ELMOD3: variants seen among roughly 807,000 people sequenced by gnomAD.
The protein encoded by ELMOD3 is ELMO domain containing 3.
Under a neutral mutation model 47.4 loss-of-function variants are expected in ELMOD3, and 36 were observed. The observed-to-expected ratio is 0.76, with a 90% confidence interval of 0.58 to 1.00. The LOEUF (loss-of-function observed/expected upper bound fraction) is 1.00, where lower values mean the gene tolerates loss of function less well. ELMOD3 is among the 50% of genes least tolerant of loss of function. The pLI is 0.00. For synonymous variants in ELMOD3, 149 were observed against 183.5 expected, an observed-to-expected ratio of 0.81 and a Z score of 1.52; for missense variants, 404 against 463.8, an observed-to-expected ratio of 0.87 and a Z score of 1.18.
chr2:85,370,271 G>A (rs979175673), intron 8 of ELMOD3, among the ~76,000 whole-genome samples: 2 of 152,066 alleles, frequency 1.3e-5, no homozygotes, highest in Non-Finnish European at 2.9e-5. Flanking sequence ...AAACGCTAGG[G>A]GTGGGGTGGG....
In ELMOD3 at chr2:85,368,807, C is replaced by T. The variant is rs7340196; in HGVS notation, c.268+53C>T. ...CATAGCCCCTCTGCCAGCAAAGGCA[C>T]CATCCACACATGTGGCAAATGTTTC... On this transcript the variant is annotated intron_variant, in intron 7 of 13. Coordinates refer to ENST00000409013, the MANE Select transcript of ELMOD3 (RefSeq NM_001135022.2). 4.5e-3 allele frequency: 7,165 copies of T among 1,583,094 alleles called. 249 individuals carry two copies. The African/African-American group carries it at 0.082, about 18-fold the overall frequency.
chr2:85,369,889 C>A, intron 8 of ELMOD3, 59 bp downstream of exon 8: 1 of 1,595,140 alleles, frequency 6.3e-7, no homozygotes. Context: ...AGGAGCCAAG[C>A]CTCTATCCCA....
intron 6 of ELMOD3, among the ~76,000 whole-genome samples, chr2:85,365,700 A>T (rs1460265651): frequency 6.6e-6 from 1 of 152,132 alleles, no homozygotes; most frequent in Non-Finnish European, 1.5e-5. Flanking sequence ...GAAACCTTGA[A>T]CTTTTGTTGA....
intron 8 of ELMOD3, among the ~76,000 whole-genome samples, chr2:85,370,228 T>C (rs960911176): frequency 1.3e-5 from 2 of 151,868 alleles, no homozygotes; most frequent in Admixed American, 6.6e-5. Flanking sequence ...AAGAAAGATA[T>C]AAGCTGGAAA....
At chr2:85,368,029 A>G (rs1573103099) in intron 6 of ELMOD3, among the ~76,000 whole-genome samples, 1 of 151,112 alleles carries the variant, frequency 6.6e-6, no homozygotes, top group Admixed American at 6.6e-5. Flanking sequence ...TCCTGCCTCA[A>G]CCTCCAGAGT....
intron 6 of ELMOD3, among the ~76,000 whole-genome samples, chr2:85,363,670 A>G (rs1344523152): frequency 1.1e-4 from 16 of 152,210 alleles, no homozygotes; most frequent in Non-Finnish European, 1.5e-5. Flanking sequence ...ATGGACTTAC[A>G]TTTCCACATA....
At chr2:85,377,952 G>A (rs989761753) in intron 11 of ELMOD3, among the ~76,000 whole-genome samples, 3 of 152,140 alleles carry the variant, frequency 2.0e-5, no homozygotes, top group Non-Finnish European at 4.4e-5. Flanking sequence ...TAGCAACTTA[G>A]AACTTTTTAA....
chr2:85,364,821 ATATATTTTTTT>A (rs1182339565), intron 6 of ELMOD3, among the ~76,000 whole-genome samples: 25 of 89,182 alleles, frequency 2.8e-4, no homozygotes, highest in African/African-American at 1.3e-3. Context: ...ATATATATAT[ATATATTTTTTT>A]TTTTTTTTTT....
intron 11 of ELMOD3, among the ~76,000 whole-genome samples, chr2:85,380,454 A>G (rs1178528578): frequency 6.6e-6 from 1 of 152,198 alleles, no homozygotes; most frequent in Non-Finnish European, 1.5e-5. Flanking sequence ...CTCTATTCTG[A>G]TGTCACAATC....
In ELMOD3 at chr2:85,374,680, C is replaced by T. The variant is rs568241600; in HGVS notation, c.608-2664C>T. ...TTTGTTTAGTAGCCAGGTGTGGTGGCGCATGCTTATAGTCCCAGCTACTGG... is the reference window on the plus strand; with the variant it reads ...TTTGTTTAGTAGCCAGGTGTGGTGGTGCATGCTTATAGTCCCAGCTACTGG... On this transcript the variant is annotated intron_variant, in intron 10 of 13. Coordinates refer to ENST00000409013, the MANE Select transcript of ELMOD3 (RefSeq NM_001135022.2). Among the ~76,000 whole-genome samples the T allele has an allele frequency of 7.7e-4, 117 of 152,034 alleles. 1 individual carries two copies. The highest frequency in any genetic ancestry group is 2.6e-3 in the African/African-American group (109 of 41,494).
In ELMOD3 at chr2:85,359,442, CT is replaced by C. The variant is rs1244153231; in HGVS notation, c.54+2191del. 2.4e-5 allele frequency among the ~76,000 whole-genome samples: 3 copies of C among 127,048 alleles called. No individual in the cohort carries two copies. In the Admixed American group the frequency reaches 2.7e-4, roughly 12 times the overall value. The allele number at this position is 127,048 out of a possible 152,430, so 83.3% of individuals were successfully genotyped here. A position where few individuals can be genotyped will look rare whatever the true frequency, so the allele number is the denominator to read the frequency against. On this transcript the variant is annotated intron_variant, in intron 4 of 13. Coordinates refer to ENST00000409013, the MANE Select transcript of ELMOD3 (RefSeq NM_001135022.2). ...TTTTTTTTTGAGATGGAGTCTTGCTCTGTTGCCCAGGCTGGAGTGCAATGAC... is the reference window on the plus strand; with the variant it reads ...TTTTTTTTTGAGATGGAGTCTTGCTCGTTGCCCAGGCTGGAGTGCAATGAC...
chr2:85,356,889 A>AG (rs1302378171), intron 3 of ELMOD3, 78 bp from the exon 4 acceptor site: 1 of 188,698 alleles, frequency 5.3e-6, no homozygotes, highest in East Asian at 1.3e-4. Flanking sequence ...TCAAAAAAAA[A>AG]AAAAAATTGT....
At chr2:85,374,169 C>T (rs1359777371) in intron 10 of ELMOD3, among the ~76,000 whole-genome samples, 4 of 151,918 alleles carry the variant, frequency 2.6e-5, no homozygotes, top group Non-Finnish European at 4.4e-5. Context: ...TGATCTCTCC[C>T]TTATAAGTAA....
intron 10 of ELMOD3, chr2:85,371,845 C>T: frequency 3.3e-6 from 1 of 306,878 alleles, no homozygotes; most frequent in Non-Finnish European, 6.2e-6. Context: ...ACCAGCCTGG[C>T]CAACATGATG....
rs776303606 is a variant in ELMOD3, at chr2:85,357,242, G to A, written c.44G>A (p.Arg15Lys). 1 of 1,603,038 alleles carries A rather than the reference G, an allele frequency of 6.2e-7. No homozygotes were observed. ...TCTTTCCATAGTAAAGAAGAATTAAGAGATGGACAGGTAAGCATGCACTCT... is the reference window on the plus strand; with the variant it reads ...TCTTTCCATAGTAAAGAAGAATTAAAAGATGGACAGGTAAGCATGCACTCT... ...SCSFHSKEELRDGQGERLSAG... is the reference protein window; with the variant it reads ...SCSFHSKEELKDGQGERLSAG... Residue 15 changes from arginine to lysine, a missense_variant, in exon 4 of 14, where the codon AGA (arginine) becomes AAA (lysine). By Grantham distance (26) the Arg-to-Lys change is conservative (BLOSUM62 2). Transcript: ENST00000409013.
Position 85,389,734 on chromosome 2 carries a change from G to A in ELMOD3, c.739-17G>A. Reference sequence around the variant, plus strand: ...GAGAGCTGGAGTTGCTGCTGACTGGGTGCCCCTCCATTCCAGCAATTCCCT... The same window carrying A: ...GAGAGCTGGAGTTGCTGCTGACTGGATGCCCCTCCATTCCAGCAATTCCCT... On this transcript the variant is annotated splice_polypyrimidine_tract_variant and intron_variant, in intron 11 of 13. Transcript: ENST00000409013. 5 of 1,612,894 alleles carry A rather than the reference G, an allele frequency of 3.1e-6. No homozygotes were observed. The highest frequency in any genetic ancestry group is 4.2e-6 in the Non-Finnish European group (5 of 1,178,952).
intron 6 of ELMOD3, among the ~76,000 whole-genome samples, chr2:85,367,943 C>T (rs538298313): frequency 6.6e-6 from 1 of 150,622 alleles, no homozygotes; most frequent in African/African-American, 2.4e-5. Flanking sequence ...GGTGGAGTCT[C>T]GCTCTGTTGC....
At chr2:85,357,826 G>A (rs1260201927) in intron 4 of ELMOD3, among the ~76,000 whole-genome samples, 1 of 152,206 alleles carries the variant, frequency 6.6e-6, no homozygotes, top group Admixed American at 6.5e-5. Flanking sequence ...CTGAATTGGA[G>A]AAGGAAAGGA....
At chr2:85,374,158 A>G (rs998542691) in intron 10 of ELMOD3, among the ~76,000 whole-genome samples, 3 of 151,888 alleles carry the variant, frequency 2.0e-5, no homozygotes, top group Non-Finnish European at 4.4e-5. Flanking sequence ...TGTCATTTGA[A>G]TGATCTCTCC....
Sources: gnomAD v4.1 joint callset for allele counts (sites outside exome capture counted in the v4.1 genomes callset) on GRCh38, gnomAD v4.1.1 for gene constraint, MANE v1.5 for transcripts, NCBI Gene and HGNC (gene_info 2026-07-23, HGNC 2026-07-21) for gene names.